LGI3: variants seen among roughly 807,000 people sequenced by gnomAD.
LGI3 encodes leucine rich repeat LGI family member 3, also known as leucine-rich repeat LGI family member 3.
Under a neutral mutation model 55.4 loss-of-function variants are expected in LGI3, and 47 were observed. The ratio of observed to expected loss-of-function variants is 0.85; its 90% CI spans 0.67 to 1.08. LGI3 has a LOEUF of 1.08. Among genes scored for constraint, LGI3 ranks in the 50% least tolerant of loss-of-function variants. LGI3 has a pLI of 0.00. For synonymous variants in LGI3, 326 were observed against 315.0 expected (o/e 1.04, Z -0.37); for missense variants, 664 against 726.3 (o/e 0.91, Z 0.99).
rs749788813 is a variant in LGI3 at position 22,154,224 on chromosome 8, C to T, written c.351-11G>A. The T allele has an allele frequency of 1.1e-4, 181 of 1,612,426 alleles. No homozygotes were observed. Among genetic ancestry groups the T allele is most frequent in the Non-Finnish European group, 1.2e-4 (143 of 1,178,778 alleles). ...TTGTTCTCAATGAAGCTGGGGAAAGCGGGAACTTGCCTCAGTGCTCACACA... is the reference window on the plus strand; with the variant it reads ...TTGTTCTCAATGAAGCTGGGGAAAGTGGGAACTTGCCTCAGTGCTCACACA... On this transcript the variant is annotated splice_polypyrimidine_tract_variant and intron_variant, in intron 3 of 7. Transcript: ENST00000306317.
rs189136832 is a variant in LGI3 at position 22,148,792 on chromosome 8, C to T, written c.1015G>A (p.Gly339Ser). 6.1e-5 allele frequency: 99 copies of T among 1,614,066 alleles called. No homozygotes were observed. Among genetic ancestry groups the T allele is most frequent in the Non-Finnish European group, 6.6e-5 (78 of 1,180,042 alleles). ...PNDLEAFRID[G>S]DWYFAVADSS... is the part of the protein sequence containing the mutation. Reference sequence around the variant, plus strand: ...TCAGCCACGGCAAAGTACCAGTCACCGTCGATGCGGAAGGCTTCTAGGTCG... The same window carrying T: ...TCAGCCACGGCAAAGTACCAGTCACTGTCGATGCGGAAGGCTTCTAGGTCG... The change falls in exon 8 of 8, where the codon GGT (glycine) becomes AGT (serine). Residue 339 changes from glycine to serine, a missense_variant. Coordinates refer to ENST00000306317, the MANE Select transcript of LGI3 (RefSeq NM_139278.4). This position sits in a 1 kb window ranked among gnomAD's most constrained non-coding sequence, Gnocchi z 7.0.
chr8:22,153,584 C>G (rs1027064957), intron 5 of LGI3, among the ~76,000 whole-genome samples: 9 of 151,928 alleles, frequency 5.9e-5, no homozygotes, highest in Admixed American at 5.2e-4. Context: ...CACCTATAGT[C>G]CCTTAGTCCC....
Position 22,151,927 on chromosome 8 carries a change from T to C in LGI3, c.568A>G (p.Thr190Ala). 1 of 1,613,218 alleles carries C rather than the reference T, an allele frequency of 6.2e-7. No individual in the cohort carries two copies. The highest frequency in any genetic ancestry group is 8.5e-7 in the Non-Finnish European group (1 of 1,179,892). The stretch of plus-strand genomic sequence containing the variant: ...GCGCAGTAGATGGGTGCCACCGTGG[T>C]GTTGGTGTGTGCCAGCCACTCCACC... ...WLVEWLAHTN[T>A]TVAPIYCASP... Residue 190 changes from threonine to alanine, a missense_variant, in exon 6 of 8, where the codon ACC (threonine) becomes GCC (alanine). Coordinates refer to ENST00000306317, the MANE Select transcript of LGI3 (RefSeq NM_139278.4).
In LGI3 at chr8:22,151,910, G is replaced by A. The variant is rs1272057327; in HGVS notation, c.585C>T (p.Ile195=). Residue 195 remains isoleucine (I), a synonymous_variant, in exon 6 of 8, where the codon ATC becomes ATT. Coordinates refer to ENST00000306317, the MANE Select transcript of LGI3 (RefSeq NM_139278.4). ...LAHTNTTVAP[I]YCASPPRFQE... ...GGAAGCGGGGCGGGCTGGCGCAGTA[G>A]ATGGGTGCCACCGTGGTGTTGGTGT... The A allele has an allele frequency of 6.2e-7, 1 of 1,613,188 alleles. No individual in the cohort carries two copies. The highest frequency in any genetic ancestry group is 8.5e-7 in the Non-Finnish European group (1 of 1,179,962).
Position 22,148,552 on chromosome 8 carries a change from G to C in LGI3, c.1255C>G (p.Gln419Glu), listed in dbSNP as rs984226425. The change falls in exon 8 of 8, where the codon CAG becomes GAG. Residue 419 changes from glutamine (Q) to glutamate (E), a missense_variant. Physicochemically the swap from Gln to Glu is conservative, Grantham distance 29 (BLOSUM62 2). Coordinates refer to ENST00000306317, the MANE Select transcript of LGI3 (RefSeq NM_139278.4). The surrounding 1 kb of genome is among the most constrained non-coding windows in gnomAD (Gnocchi z 7.0). ...KQFVAQGEVT[Q>E]VPDAQAVKHF... Reference sequence around the variant, plus strand: ...TTCACAGCTTGGGCATCAGGCACCTGGGTCACCTCACCCTGGGCCACAAAC... The same window carrying C: ...TTCACAGCTTGGGCATCAGGCACCTCGGTCACCTCACCCTGGGCCACAAAC... 6.2e-7 allele frequency: 1 copy of C among 1,613,816 alleles called. No individual in the cohort carries two copies. The highest frequency in any genetic ancestry group is 8.5e-7 in the Non-Finnish European group (1 of 1,180,026).
In LGI3 at chr8:22,154,566, T is replaced by G. The variant is rs1827461936; in HGVS notation, c.344A>C (p.Gln115Pro). The G allele has an allele frequency of 1.2e-6, 2 of 1,613,736 alleles. No individual in the cohort carries two copies. The highest frequency in any genetic ancestry group is 1.6e-4 in the Middle Eastern group (1 of 6,082). The change falls in exon 3 of 8, where the codon CAG (glutamine) becomes CCG (proline). Residue 115 changes from glutamine to proline, a missense_variant. Physicochemically the swap from Gln to Pro is moderately conservative, Grantham distance 76. Coordinates refer to ENST00000306317, the MANE Select transcript of LGI3 (RefSeq NM_139278.4). ...DNAFTGLSHL[Q>P]YLFIENNDIW... ...CCCTTTCCCTCCCACACACAGATACTGCAGGTGCGACAGTCCTGTGAAGGC... is the reference window on the plus strand; with the variant it reads ...CCCTTTCCCTCCCACACACAGATACGGCAGGTGCGACAGTCCTGTGAAGGC...
At chr8:22,153,230 G>A (rs562544301) in intron 5 of LGI3, among the ~76,000 whole-genome samples, 9 of 151,130 alleles carry the variant, frequency 6.0e-5, no homozygotes, top group South Asian at 4.2e-4. Flanking sequence ...GATTACAGGC[G>A]CCCGCCACCA....
chr8:22,149,844 G>C (rs567903041), intron 7 of LGI3, among the ~76,000 whole-genome samples: 13 of 152,032 alleles, frequency 8.6e-5, no homozygotes, highest in African/African-American at 3.1e-4. Context: ...TTTGGGGTTT[G>C]GTCTGCCCTG....
At chr8:22,155,502 GGGCTGTGCTGA>G in intron 1 of LGI3, 39 bp from the exon 2 acceptor site, 2 of 1,569,212 alleles carry the variant, frequency 1.3e-6, no homozygotes, top group Non-Finnish European at 1.8e-6. Flanking sequence ...GGGTCTGCAA[GGGCTGTGCTGA>G]GGCAGGGAGA....
Position 22,155,475 on chromosome 8 carries a change from C to T in LGI3, c.207-12G>A, listed in dbSNP as rs982126986. 3 of 1,612,780 alleles carry T rather than the reference C, an allele frequency of 1.9e-6. No homozygotes were observed. The African/African-American group carries it at 4.0e-5, about 22-fold the overall frequency. ...CATTCACCAGGGTCCTGCGGGGACA[C>T]CCGAGTCAGTACTGTGGGGTCTGCA... On this transcript the variant is annotated splice_polypyrimidine_tract_variant and intron_variant, in intron 1 of 7. Transcript: ENST00000306317.
At chr8:22,154,813 C>T in intron 2 of LGI3, 182 bp from the exon 3 acceptor site, 1 of 589,652 alleles carries the variant, frequency 1.7e-6, no homozygotes, top group South Asian at 2.0e-5. Context: ...GTTCTGGCCC[C>T]AGAAGCTCCC....
At chr8:22,149,130 G>A (rs1360508854) in intron 7 of LGI3, among the ~76,000 whole-genome samples, 153 bp from the exon 8 acceptor site, 5 of 152,202 alleles carry the variant, frequency 3.3e-5, no homozygotes, top group South Asian at 2.1e-4. Flanking sequence ...TCCACTAAGC[G>A]CTCAATGCTT....
chr8:22,152,062 C>T lies in LGI3; in HGVS notation c.495-62G>A, dbSNP rs1827387156. On this transcript the variant is annotated intron_variant, in intron 5 of 7. Coordinates refer to ENST00000306317, the MANE Select transcript of LGI3 (RefSeq NM_139278.4). ...AGACATGCTCTCAGGGCTCTGCCTA[C>T]CCAGGCCCTCCAGGTTTTCAGAAAT... is the stretch of plus-strand genomic sequence containing the variant. 5 of 1,368,174 alleles carry T rather than the reference C, an allele frequency of 3.7e-6. No individual in the cohort carries two copies. In the Admixed American group the frequency reaches 1.1e-4, roughly 31 times the overall value. The allele number at this position is 1,368,174 out of a possible 1,614,324, so 84.8% of individuals were successfully genotyped here.
chr8:22,148,791 C>T lies in LGI3; in HGVS notation c.1016G>A (p.Gly339Asp), dbSNP rs377463432. ...PNDLEAFRID[G>D]DWYFAVADSS... ...GTCAGCCACGGCAAAGTACCAGTCA[C>T]CGTCGATGCGGAAGGCTTCTAGGTC... Residue 339 changes from glycine to aspartate, a missense_variant, in exon 8 of 8, where the codon GGT becomes GAT. Gly to Asp is a moderately conservative substitution (Grantham distance 94). Transcript: ENST00000306317. The surrounding 1 kb of genome is among the most constrained non-coding windows in gnomAD (Gnocchi z 7.0). The T allele has an allele frequency of 5.4e-5, 87 of 1,614,078 alleles. No homozygotes were observed. The highest frequency in any genetic ancestry group is 6.9e-5 in the Non-Finnish European group (82 of 1,180,042).
intron 1 of LGI3, 105 bp from the exon 2 acceptor site, chr8:22,155,568 A>T (rs1355546315): frequency 1.1e-6 from 1 of 920,578 alleles, no homozygotes; most frequent in Non-Finnish European, 1.8e-6. Context: ...TTGCCCTGGA[A>T]ATGCCCCATT....
chr8:22,155,514 G>T, intron 1 of LGI3, 51 bp from the exon 2 acceptor site: 1 of 1,480,820 alleles, frequency 6.8e-7, no homozygotes, highest in Non-Finnish European at 9.4e-7. Context: ...GCTGTGCTGA[G>T]GCAGGGAGAG....
At chr8:22,155,742 A>G (rs941002829) in intron 1 of LGI3, among the ~76,000 whole-genome samples, 7 of 152,232 alleles carry the variant, frequency 4.6e-5, no homozygotes, top group Admixed American at 6.5e-5. Context: ...CGTTGTCATC[A>G]TCATCCAAAC....
At chr8:22,154,248 C>T (rs375340493) in intron 3 of LGI3, 35 bp from the exon 4 acceptor site, 1 of 1,552,056 alleles carries the variant, frequency 6.4e-7, no homozygotes, top group African/African-American at 1.4e-5. Context: ...AGTGCTCACA[C>T]AGGATGCCAG....
At chr8:22,155,859 G>A (rs1186574270) in intron 1 of LGI3, among the ~76,000 whole-genome samples, 1 of 152,272 alleles carries the variant, frequency 6.6e-6, no homozygotes, top group Non-Finnish European at 1.5e-5. Context: ...ACAAGGGGGA[G>A]CCCCTGAGGC....
Sources: allele counts gnomAD v4.1 joint callset (sites outside exome capture counted in the v4.1 genomes callset), GRCh38; gene constraint gnomAD v4.1.1; non-coding constraint Gnocchi (gnomAD v3.1); transcripts MANE v1.5; gene names NCBI Gene and HGNC (gene_info 2026-07-23, HGNC 2026-07-21).